DBH: variants seen among roughly 807,000 people sequenced by gnomAD.
DBH encodes the protein dopamine beta-hydroxylase (dopamine beta-monooxygenase).
Under a neutral mutation model 64.0 loss-of-function variants are expected in DBH, and 49 were observed. The ratio of observed to expected loss-of-function variants is 0.77; its 90% CI spans 0.61 to 0.97. The LOEUF (loss-of-function observed/expected upper bound fraction) is 0.97. Among genes scored for constraint, DBH ranks in the 50% least tolerant of loss-of-function variants. DBH has a pLI of 0.00. For synonymous variants in DBH, 343 were observed against 347.1 expected (o/e 0.99, Z 0.13); for missense variants, 828 against 826.6 (o/e 1.00, Z -0.02).
chr9:133,657,442 GGAGAGAGAGGAGAGAGGGAGAGGGAGAGA>G lies in DBH; in HGVS notation c.1722+215_1722+243del, dbSNP rs1290743162. 4.7e-5 allele frequency: 24 copies of G among 506,932 alleles called. 1 individual carries two copies. In the African/African-American group the frequency reaches 6.2e-4, roughly 13 times the overall value. The allele number at this position is 506,932 out of a possible 1,614,324, so 31.4% of individuals were successfully genotyped here. A position where few individuals can be genotyped will look rare whatever the true frequency, so the allele number is the denominator to read the frequency against. ...AGAGAGAGGAGAGAGAGGAGAGAGA[GGAGAGAGAGGAGAGAGGGAGAGGGAGAGA>G]GGGAGAGGGAGAGAGGAGAGAGAGA... On this transcript the variant is annotated intron_variant, in intron 11 of 11. Coordinates refer to ENST00000393056, the MANE Select transcript of DBH (RefSeq NM_000787.4).
chr9:133,658,597 A>C lies in DBH; in HGVS notation c.*150A>C. On this transcript the variant is annotated 3_prime_UTR_variant, in exon 12 of 12. Coordinates refer to ENST00000393056, the MANE Select transcript of DBH (RefSeq NM_000787.4). ...CGCCCCTGCCTGAGACCACGGTCCA[A>C]TCCAGCCTTCTTCCCCCAGGGTCCC... 1 of 922,636 alleles carries C rather than the reference A, an allele frequency of 1.1e-6. No individual in the cohort carries two copies. Among genetic ancestry groups the C allele is most frequent in the Non-Finnish European group, 1.6e-6 (1 of 643,302 alleles). 57.2% of individuals were successfully genotyped at this position (922,636 alleles called of 1,614,324 possible). A position where few individuals can be genotyped will look rare whatever the true frequency, so the allele number is the denominator to read the frequency against.
At chr9:133,652,380 G>A (rs1832261936) in intron 8 of DBH, 96 bp downstream of exon 8, 2 of 1,462,674 alleles carry the variant, frequency 1.4e-6, no homozygotes, top group Non-Finnish European at 1.9e-6. Context: ...GACACAGAAA[G>A]TGATAGGGGG....
chr9:133,647,930 T>C lies in DBH; in HGVS notation c.1109T>C (p.Val370Ala). 1 of 1,614,080 alleles carries C rather than the reference T, an allele frequency of 6.2e-7. No individual in the cohort carries two copies. The highest frequency in any genetic ancestry group is 8.5e-7 in the Non-Finnish European group (1 of 1,179,978). The change falls in exon 6 of 12, where the codon GTG becomes GCG. Residue 370 changes from valine to alanine, a missense_variant. Physicochemically the swap from Val to Ala is moderately conservative, Grantham distance 64. Coordinates refer to ENST00000393056, the MANE Select transcript of DBH (RefSeq NM_000787.4). ...GCGGGGATCATGGAGCTGGGACTGG[T>C]GTACACGCCAGTGATGGCCATTCCA... ...FNAGIMELGL[V>A]YTPVMAIPPR...
At chr9:133,638,129 C>T (rs1220925414) in intron 1 of DBH, among the ~76,000 whole-genome samples, 2 of 152,218 alleles carry the variant, frequency 1.3e-5, no homozygotes, top group Non-Finnish European at 2.9e-5. Flanking sequence ...TTTGCCTTTC[C>T]GTGCACTGGC....
chr9:133,639,948 A>C lies in DBH; in HGVS notation c.442A>C (p.Lys148Gln). ...CCCAGAAGGCCTGACCCTGCTTTTC[A>C]AGAGGCCCTTTGGCACCTGCGACCC... ...RTPEGLTLLF[K>Q]RPFGTCDPKD... The change falls in exon 2 of 12, where the codon AAG becomes CAG. Residue 148 changes from lysine (K) to glutamine (Q), a missense_variant. Transcript: ENST00000393056. 1 of 1,613,890 alleles carries C rather than the reference A, an allele frequency of 6.2e-7. No individual in the cohort carries two copies. The highest frequency in any genetic ancestry group is 8.5e-7 in the Non-Finnish European group (1 of 1,179,968).
intron 2 of DBH, 95 bp from the exon 3 acceptor site, chr9:133,642,112 G>T: frequency 6.6e-7 from 1 of 1,520,546 alleles, no homozygotes; most frequent in Non-Finnish European, 9.0e-7. Flanking sequence ...TGTGTCACCT[G>T]GTAGGTGTGG....
At chr9:133,649,004 C>T (rs967027068) in intron 6 of DBH, among the ~76,000 whole-genome samples, 2 of 152,180 alleles carry the variant, frequency 1.3e-5, no homozygotes, top group African/African-American at 4.8e-5. Context: ...TCTTCTGCTC[C>T]CTCCCACACA....
At chr9:133,656,293 T>G in intron 9 of DBH, 1 of 549,812 alleles carries the variant, frequency 1.8e-6, no homozygotes, top group Non-Finnish European at 3.3e-6. Flanking sequence ...CCTCACAGCA[T>G]CATCAGTACC....
intron 11 of DBH, chr9:133,657,444 A>AGAGAG (rs1588355495): frequency 2.3e-5 from 9 of 386,930 alleles, no homozygotes; most frequent in East Asian, 5.2e-5. Context: ...GAGAGAGAGG[A>AGAGAG]GAGAGAGGAG....
intron 1 of DBH, among the ~76,000 whole-genome samples, chr9:133,638,134 A>G (rs3025388): frequency 0.22 from 32,860 of 152,264 alleles, 4,250 homozygotes; most frequent in African/African-American, 0.37. Flanking sequence ...CTTTCCGTGC[A>G]CTGGCAAGGT....
intron 9 of DBH, chr9:133,656,165 G>A (rs1283874595): frequency 8.8e-6 from 3 of 342,764 alleles, no homozygotes; most frequent in Admixed American, 4.0e-5. Flanking sequence ...GTGCACTCAG[G>A]CTGTGCCACC....
In DBH at chr9:133,647,915, T is replaced by G. The variant is rs200103371; in HGVS notation, c.1094T>G (p.Met365Arg). 2 of 1,614,090 alleles carry G rather than the reference T, an allele frequency of 1.2e-6. No homozygotes were observed. Among genetic ancestry groups the G allele is most frequent in the Non-Finnish European group, 1.7e-6 (2 of 1,180,054 alleles). ...CTGCGGCGCTTCAACGCGGGGATCA[T>G]GGAGCTGGGACTGGTGTACACGCCA... ...AKLRRFNAGI[M>R]ELGLVYTPVM... Residue 365 changes from methionine (M) to arginine (R), a missense_variant, in exon 6 of 12, where the codon ATG becomes AGG. Coordinates refer to ENST00000393056, the MANE Select transcript of DBH (RefSeq NM_000787.4).
Position 133,654,129 on chromosome 9 carries a change from T to TTTATTTTA in DBH, c.1434+1132_1434+1133insATTTTATT, listed in dbSNP as rs1162131142. On this transcript the variant is annotated intron_variant, in intron 9 of 11. Transcript: ENST00000393056. ...TTATTTTATTTTATATTTTATTTTTTTTTGAGACGGAGTCTCGCTCTGTCA... is the reference window on the plus strand; with the variant it reads ...TTATTTTATTTTATATTTTATTTTTTTTATTTTATTTGAGACGGAGTCTCGCTCTGTCA... Among the ~76,000 whole-genome samples, 32 of 152,136 alleles carry TTTATTTTA rather than the reference T, an allele frequency of 2.1e-4. 1 individual carries two copies. Among genetic ancestry groups the TTTATTTTA allele is most frequent in the African/African-American group, 7.0e-4 (29 of 41,384 alleles).
At chr9:133,656,340 C>CCTGT in intron 9 of DBH, 183 bp from the exon 10 acceptor site, 1 of 706,306 alleles carries the variant, frequency 1.4e-6, no homozygotes, top group Non-Finnish European at 2.4e-6. Context: ...TCACTCACTG[C>CCTGT]CTGTCTCTCC....
chr9:133,637,248 G>A (rs920364514), intron 1 of DBH, among the ~76,000 whole-genome samples: 1 of 152,236 alleles, frequency 6.6e-6, no homozygotes, highest in African/African-American at 2.4e-5. Flanking sequence ...CATAGGTGTT[G>A]AACAAGCCCC....
chr9:133,657,259 G>A (rs535463572), intron 11 of DBH, 30 bp downstream of exon 11: 2 of 1,612,434 alleles, frequency 1.2e-6, no homozygotes, highest in East Asian at 2.2e-5. Flanking sequence ...GGTGGGGCAT[G>A]CAGTCAGGCA....
intron 1 of DBH, among the ~76,000 whole-genome samples, chr9:133,637,536 C>CA (rs1291301400): frequency 8.5e-5 from 13 of 152,296 alleles, no homozygotes; most frequent in African/African-American, 1.2e-4. Context: ...AAAGGAGTGA[C>CA]AAAAAAGTTT....
intron 6 of DBH, among the ~76,000 whole-genome samples, chr9:133,649,524 T>C (rs568760607): frequency 2.0e-5 from 3 of 152,368 alleles, no homozygotes; most frequent in East Asian, 3.9e-4. Flanking sequence ...AATGGGTCGA[T>C]TGGGATTTGT....
chr9:133,655,049 G>A (rs530951752), intron 9 of DBH: 1 of 152,450 alleles, frequency 6.6e-6, no homozygotes, highest in South Asian at 2.1e-4. Flanking sequence ...GGGCGTTCGG[G>A]GCTGCCAGGC....
Sources: gnomAD v4.1 joint callset for allele counts (sites outside exome capture counted in the v4.1 genomes callset) on GRCh38, gnomAD v4.1.1 for gene constraint, MANE v1.5 for transcripts, NCBI Gene and HGNC (gene_info 2026-07-23, HGNC 2026-07-21) for gene names.